SPECC1L: variants seen among roughly 807,000 people sequenced by gnomAD.
SPECC1L encodes cytospin-A.
Under a neutral mutation model 116.8 loss-of-function variants are expected in SPECC1L, and 40 were observed. The observed-to-expected ratio is 0.34, with a 90% CI of 0.27 to 0.45. The LOEUF is 0.45. Ranked by LOEUF, SPECC1L falls within the 20% of genes least tolerant of loss-of-function variation. The probability of loss-of-function intolerance (pLI) is 1.00; values close to 1 mark genes in which losing one functional copy is unlikely to be tolerated. For missense variants in SPECC1L, 1,110 were observed against 1,373.6 expected (o/e 0.81, Z 3.03); for synonymous variants, 504 against 500.6 (o/e 1.01, Z -0.09).
rs541951593 is a variant in SPECC1L, at chr22:24,405,896, C to T, written c.3088-5692C>T. ...AGCACATTACAGTTTCAGTAGGGGT[C>T]GAAGACTCGTCATCTTGTGTGGGCT... On this transcript the variant is annotated intron_variant, in intron 14 of 16. Coordinates refer to ENST00000314328, the MANE Select transcript of SPECC1L (RefSeq NM_015330.6). Among the ~76,000 whole-genome samples, 172 of 151,566 alleles carry T rather than the reference C, an allele frequency of 1.1e-3. 1 individual carries two copies. Among genetic ancestry groups the T allele is most frequent in the African/African-American group, 4.1e-3 (168 of 41,278 alleles).
intron 13 of SPECC1L, among the ~76,000 whole-genome samples, chr22:24,368,307 C>CT (rs2041811367): frequency 6.6e-6 from 1 of 152,194 alleles, no homozygotes; most frequent in African/African-American, 2.4e-5. Flanking sequence ...CAATTGCCTA[C>CT]TGCCTGCACA....
intron 2 of SPECC1L, among the ~76,000 whole-genome samples, chr22:24,279,759 T>G (rs534586491): frequency 1.3e-5 from 2 of 152,062 alleles, no homozygotes; most frequent in Non-Finnish European, 2.9e-5. Context: ...ATTTTTTGTA[T>G]TTTTAGTAGA....
chr22:24,297,303 C>A (rs1362939860), intron 2 of SPECC1L, among the ~76,000 whole-genome samples: 1 of 151,354 alleles, frequency 6.6e-6, no homozygotes, highest in East Asian at 1.9e-4. Flanking sequence ...AACTGAATTC[C>A]ATTTTACATA....
intron 2 of SPECC1L, among the ~76,000 whole-genome samples, chr22:24,290,848 T>A (rs765185042): frequency 1.3e-5 from 2 of 152,238 alleles, no homozygotes; most frequent in Non-Finnish European, 2.9e-5. Flanking sequence ...ATAGGATCAA[T>A]CCATTACATT....
At chr22:24,383,865 C>T (rs1876169005) in intron 14 of SPECC1L, among the ~76,000 whole-genome samples, 1 of 130,724 alleles carries the variant, frequency 7.6e-6, no homozygotes, top group African/African-American at 3.0e-5. Flanking sequence ...GTTGTCCAGG[C>T]TGGTCTCGAA....
chr22:24,290,929 CAT>C (rs71781632), intron 2 of SPECC1L, among the ~76,000 whole-genome samples: 5,337 of 152,282 alleles, frequency 0.035, 191 homozygotes, highest in African/African-American at 0.087. Flanking sequence ...TGGTAAGACA[CAT>C]GTTTTATCAA....
chr22:24,365,678 G>A lies in SPECC1L; in HGVS notation c.2984+46G>A, dbSNP rs112086767. The A allele has an allele frequency of 4.9e-4, 788 of 1,600,980 alleles. 5 individuals are homozygous for A. In the African/African-American group the frequency reaches 9.0e-3, roughly 18 times the overall value. ...ATGCATTTCGTGTGTACCTTTCCTG[G>A]CCTTTTGACAGTAAATGATCAAGTT... On this transcript the variant is annotated intron_variant, in intron 13 of 16. Coordinates refer to ENST00000314328, the MANE Select transcript of SPECC1L (RefSeq NM_015330.6).
intron 6 of SPECC1L, among the ~76,000 whole-genome samples, chr22:24,326,176 C>G (rs1012739217): frequency 6.6e-6 from 1 of 152,222 alleles, no homozygotes. Context: ...TGGTCTCGAA[C>G]TCCTGACCTC....
intron 14 of SPECC1L, among the ~76,000 whole-genome samples, chr22:24,380,452 G>A (rs1196702227): frequency 6.6e-6 from 1 of 152,162 alleles, no homozygotes; most frequent in East Asian, 1.9e-4. Context: ...GATCATTAAT[G>A]CTTGGAACGT....
intron 6 of SPECC1L, among the ~76,000 whole-genome samples, chr22:24,327,692 T>A (rs1175096293): frequency 6.6e-6 from 1 of 152,226 alleles, no homozygotes; most frequent in East Asian, 1.9e-4. Flanking sequence ...CAGCATTACT[T>A]TTTATTACTG....
intron 10 of SPECC1L, among the ~76,000 whole-genome samples, chr22:24,339,018 G>C (rs1349812743): frequency 6.6e-6 from 1 of 152,224 alleles, no homozygotes; most frequent in Admixed American, 6.5e-5. Context: ...TTAGTGGCTT[G>C]AAAGAACAGT....
intron 3 of SPECC1L, among the ~76,000 whole-genome samples, chr22:24,307,600 AGTGTGT>A (rs532530564): frequency 1.3e-5 from 2 of 149,784 alleles, no homozygotes; most frequent in South Asian, 4.3e-4. Flanking sequence ...TGTGTATGTG[AGTGTGT>A]GTGTGTGTGT....
At chr22:24,288,109 T>A (rs1454643054) in intron 2 of SPECC1L, among the ~76,000 whole-genome samples, 1 of 152,168 alleles carries the variant, frequency 6.6e-6, no homozygotes, top group South Asian at 2.1e-4. Context: ...GCCAGAACTG[T>A]GGCTTTCTCA....
intron 9 of SPECC1L, among the ~76,000 whole-genome samples, chr22:24,337,155 C>A (rs560218647): frequency 1.3e-5 from 2 of 152,244 alleles, no homozygotes; most frequent in East Asian, 3.9e-4. Flanking sequence ...CAGCTCTGCT[C>A]ACAATAGCTA....
At chr22:24,373,760 C>T (rs1350752118) in intron 14 of SPECC1L, among the ~76,000 whole-genome samples, 7 of 152,010 alleles carry the variant, frequency 4.6e-5, no homozygotes, top group South Asian at 2.1e-4. Flanking sequence ...GCAACAAAAG[C>T]GAAAATTGAC....
chr22:24,364,913 G>A (rs1601286278), intron 12 of SPECC1L, among the ~76,000 whole-genome samples: 2 of 152,108 alleles, frequency 1.3e-5, no homozygotes, highest in South Asian at 4.1e-4. Flanking sequence ...GGTACTGTGA[G>A]GGTTATAGAG....
chr22:24,312,083 T>G (rs1715269960), intron 3 of SPECC1L, among the ~76,000 whole-genome samples: 1 of 152,064 alleles, frequency 6.6e-6, no homozygotes. Flanking sequence ...ATCCTCTCAC[T>G]TCAACCTTCC....
At chr22:24,336,071 A>G (rs752039454) in intron 9 of SPECC1L, among the ~76,000 whole-genome samples, 6 of 152,122 alleles carry the variant, frequency 3.9e-5, no homozygotes, top group Admixed American at 2.0e-4. Flanking sequence ...AATACCTACT[A>G]AAAGAATTAA....
At position 24,284,974 on chromosome 22, in the gene SPECC1L, A is replaced by G. The variant is rs1238991034; in HGVS notation, c.-38+8171A>G. On this transcript the variant is annotated intron_variant, in intron 2 of 16. Transcript: ENST00000314328. ...GACAATCAAAGGAAAAGTAAGTGTA[A>G]TTTTGTAGTTGATTGAAGAGGAAGA... Among the ~76,000 whole-genome samples, 3 of 152,166 alleles carry G rather than the reference A, an allele frequency of 2.0e-5. 1 individual carries two copies. The highest frequency in any genetic ancestry group is 4.4e-5 in the Non-Finnish European group (3 of 68,028).
Sources: gnomAD v4.1 joint callset for allele counts (sites outside exome capture counted in the v4.1 genomes callset) on GRCh38, gnomAD v4.1.1 for gene constraint, MANE v1.5 for transcripts, NCBI Gene and HGNC (gene_info 2026-07-23, HGNC 2026-07-21) for gene names.